The following GKN1 variants were observed in gnomAD, a reference collection of about 807,000 sequenced individuals.
The protein encoded by GKN1 is gastrokine-1.
GKN1 carries 17 observed loss-of-function variants against 19.7 expected under a neutral mutation model. The observed-to-expected ratio is 0.86, with a 90% CI of 0.59 to 1.29. The LOEUF (loss-of-function observed/expected upper bound fraction) is 1.29, where lower values mean the gene tolerates loss of function less well. Ranked by LOEUF, GKN1 falls within the 50% of genes most tolerant of loss-of-function variation. The probability of loss-of-function intolerance (pLI) is 0.00; values close to 1 mark genes in which losing one functional copy is unlikely to be tolerated. For synonymous variants in GKN1, 96 were observed against 78.3 expected (o/e 1.23, Z -1.20); for missense variants, 218 against 224.5 (o/e 0.97, Z 0.19).
chr2:68,978,296 G>GAAAGAAAGAAAGAAAGAAAGAA (rs796222573), intron 3 of GKN1, among the ~76,000 whole-genome samples: 3 of 102,464 alleles, frequency 2.9e-5, no homozygotes, highest in East Asian at 3.7e-4. Flanking sequence ...AAGAAAGAAA[G>GAAAGAAAGAAAGAAAGAAAGAA]AGAGAGAAAG....
intron 1 of GKN1, among the ~76,000 whole-genome samples, chr2:68,976,093 ACT>A (rs1392696913): frequency 6.6e-6 from 1 of 152,034 alleles, no homozygotes; most frequent in Non-Finnish European, 1.5e-5. Flanking sequence ...CCAGCGAGAC[ACT>A]CTATACTTGC....
chr2:68,977,823 T>A (rs753446106), intron 3 of GKN1, 49 bp downstream of exon 3: 1 of 1,438,180 alleles, frequency 7.0e-7, no homozygotes. Context: ...AAATACGATT[T>A]CTTTTTAACA....
At chr2:68,974,735 CTG>C (rs1374951487) in intron 1 of GKN1, 46 bp downstream of exon 1, 1 of 1,178,938 alleles carries the variant, frequency 8.5e-7, no homozygotes, top group Non-Finnish European at 1.3e-6. Context: ...TGATTGGAGA[CTG>C]TCAATATTCT....
chr2:68,976,736 G>A (rs2103921452), intron 1 of GKN1, among the ~76,000 whole-genome samples: 1 of 152,208 alleles, frequency 6.6e-6, no homozygotes, highest in African/African-American at 2.4e-5. Flanking sequence ...GTAGGATGCT[G>A]TCATTAACTA....
chr2:68,978,259 A>AAGGAAG (rs1670299418), intron 3 of GKN1: 3 of 124,976 alleles, frequency 2.4e-5, no homozygotes. Flanking sequence ...AAAGAAAGAA[A>AAGGAAG]GAAGGAAGGA....
chr2:68,978,874 T>G lies in GKN1; in HGVS notation c.208T>G (p.Phe70Val). ...TATTTGCCATCTACTTTAACAGGGC[T>G]TTGCTGCAACCAGACTCTTTCAAAA... is the stretch of plus-strand genomic sequence containing the variant. ...WNSIWDYGNG[F>V]AATRLFQKKT... The change falls in exon 4 of 6, where the codon TTT becomes GTT. Residue 70 changes from phenylalanine to valine, a missense_variant. Phe to Val is a conservative substitution (Grantham distance 50, BLOSUM62 -1). Coordinates refer to ENST00000377938, the MANE Select transcript of GKN1 (RefSeq NM_019617.4). 1 of 1,593,574 alleles carries G rather than the reference T, an allele frequency of 6.3e-7. No individual in the cohort carries two copies.
chr2:68,976,858 T>C (rs1390459556), intron 1 of GKN1, among the ~76,000 whole-genome samples: 17 of 152,196 alleles, frequency 1.1e-4, no homozygotes, highest in Admixed American at 1.1e-3. Context: ...GTTCTCTACT[T>C]TCTAATAACA....
intron 4 of GKN1, 51 bp from the exon 5 acceptor site, chr2:68,979,862 G>C (rs762532563): frequency 7.3e-6 from 11 of 1,515,952 alleles, no homozygotes; most frequent in South Asian, 4.5e-5. Context: ...CACTGGGCTT[G>C]GCATTCATTC....
chr2:68,977,975 G>A (rs1670290227), intron 3 of GKN1: 1 of 566,706 alleles, frequency 1.8e-6, no homozygotes, highest in Non-Finnish European at 3.1e-6. Flanking sequence ...TGCATGATCA[G>A]TTAAAATTCA....
rs776201581 is a variant in GKN1, at chr2:68,974,684, T to C, written c.7T>C (p.Phe3Leu). The part of the protein sequence containing the change: MK[F>L]TIVFAGLLGV... ...CTGCTTTCGTGAAGACAAGATGAAG[T>C]TCACAGTGAGTAGATTTTTCCTTTT... is the stretch of plus-strand genomic sequence containing the variant. The change falls in exon 1 of 6, where the codon TTC becomes CTC. Residue 3 changes from phenylalanine (F) to leucine (L), a missense_variant. Physicochemically the swap from Phe to Leu is conservative, Grantham distance 22. Transcript: ENST00000377938. The C allele has an allele frequency of 6.3e-7, 1 of 1,585,118 alleles. No homozygotes were observed. Among genetic ancestry groups the C allele is most frequent in the Admixed American group, 1.7e-5 (1 of 59,964 alleles).
chr2:68,974,743 A>C, intron 1 of GKN1, 54 bp downstream of exon 1: 1 of 1,151,292 alleles, frequency 8.7e-7, no homozygotes, highest in Non-Finnish European at 1.3e-6. Context: ...GACTGTCAAT[A>C]TTCTGAGATT....
chr2:68,978,849 T>A, intron 3 of GKN1, 22 bp from the exon 4 acceptor site: 2 of 1,347,550 alleles, frequency 1.5e-6, no homozygotes, highest in Non-Finnish European at 2.1e-6. Context: ...CATGCCTCAC[T>A]ATTTGCCATC....
At chr2:68,977,800 CT>C in intron 3 of GKN1, 26 bp downstream of exon 3, 1 of 1,562,086 alleles carries the variant, frequency 6.4e-7, no homozygotes, top group Non-Finnish European at 8.8e-7. Context: ...GCAATTTTCA[CT>C]TTATTGTTTA....
chr2:68,978,832 G>A (rs1573743871), intron 3 of GKN1, 39 bp from the exon 4 acceptor site: 2 of 1,126,246 alleles, frequency 1.8e-6, no homozygotes, highest in Non-Finnish European at 1.3e-6. Context: ...AAGCTCCTCG[G>A]AGAACACATG....
intron 3 of GKN1, among the ~76,000 whole-genome samples, chr2:68,978,271 GGAAAGAAA>G (rs773400726): frequency 0.03 from 2,644 of 87,252 alleles, 86 homozygotes; most frequent in African/African-American, 0.061. Context: ...AAGGAAGGAA[GGAAAGAAA>G]GAAAGAAAGA....
intron 1 of GKN1, 60 bp from the exon 2 acceptor site, chr2:68,977,435 G>A: frequency 9.1e-7 from 1 of 1,104,016 alleles, no homozygotes; most frequent in Non-Finnish European, 1.4e-6. Context: ...CTTGGATAGA[G>A]GAAGAAAGAA....
chr2:68,978,271 GGAAA>G (rs773400726), intron 3 of GKN1, among the ~76,000 whole-genome samples: 1,337 of 87,252 alleles, frequency 0.015, 54 homozygotes, highest in African/African-American at 0.051. Flanking sequence ...AAGGAAGGAA[GGAAA>G]GAAAGAAAGA....
intron 5 of GKN1, 43 bp downstream of exon 5, chr2:68,980,103 G>T: frequency 1.3e-6 from 2 of 1,578,156 alleles, no homozygotes; most frequent in East Asian, 2.2e-5. Context: ...AGTGCTGGTG[G>T]GATTGTCAGA....
chr2:68,976,002 A>G (rs964009086), intron 1 of GKN1, among the ~76,000 whole-genome samples: 18 of 152,150 alleles, frequency 1.2e-4, no homozygotes, highest in African/African-American at 2.9e-4. Context: ...CTGAAAACCA[A>G]TGTCAGGGAC....
Sources: allele counts gnomAD v4.1 joint callset (sites outside exome capture counted in the v4.1 genomes callset), GRCh38; gene constraint gnomAD v4.1.1; transcripts MANE v1.5; gene names NCBI Gene and HGNC (gene_info 2026-07-23, HGNC 2026-07-21).